PRPF6: variants seen among roughly 807,000 people sequenced by gnomAD.
PRPF6 encodes the protein pre-mRNA-processing factor 6.
Under a neutral mutation model 118.3 loss-of-function variants are expected in PRPF6, and 42 were observed. The observed-to-expected ratio is 0.35, with a 90% confidence interval of 0.28 to 0.46. The LOEUF is 0.46. Among genes scored for constraint, PRPF6 ranks in the 20% least tolerant of loss-of-function variants. The pLI, the probability that PRPF6 is intolerant of heterozygous loss-of-function variation, is 1.00. For synonymous variants in PRPF6, 481 were observed against 485.1 expected (o/e 0.99, Z 0.11); for missense variants, 662 against 1,255.7 (o/e 0.53, Z 7.15).
In PRPF6 at chr20:64,001,251, T is replaced by C; in HGVS notation, c.1186+12T>C. The C allele has an allele frequency of 6.2e-7, 1 of 1,614,188 alleles. No individual in the cohort carries two copies. Among genetic ancestry groups the C allele is most frequent in the Non-Finnish European group, 8.5e-7 (1 of 1,179,998 alleles). ...GGTTCTTCGGAAAGGTGAGCCTCCC[T>C]CGGAGGTGCTGCTTTCTCCCTCCTT... On this transcript the variant is annotated intron_variant, in intron 9 of 20. Transcript: ENST00000266079.
chr20:64,031,149 A>G (rs2059312175), intron 19 of PRPF6, among the ~76,000 whole-genome samples: 1 of 152,238 alleles, frequency 6.6e-6, no homozygotes, highest in Admixed American at 6.5e-5. Flanking sequence ...TGTGGGCTGC[A>G]GGCCCAGGCC....
chr20:63,985,368 G>T (rs1259948989), intron 3 of PRPF6, among the ~76,000 whole-genome samples: 1 of 150,840 alleles, frequency 6.6e-6, no homozygotes, highest in Non-Finnish European at 1.5e-5. Flanking sequence ...AAAAAGTTTT[G>T]TTTTGAATTG....
At chr20:64,022,103 C>T (rs193231356) in intron 12 of PRPF6, among the ~76,000 whole-genome samples, 16 of 152,362 alleles carry the variant, frequency 1.1e-4, no homozygotes, top group African/African-American at 3.4e-4. Flanking sequence ...GACTTGTGCA[C>T]CTCTCGCAGG....
chr20:63,987,010 A>C (rs1305205847), intron 3 of PRPF6, among the ~76,000 whole-genome samples: 2 of 151,570 alleles, frequency 1.3e-5, no homozygotes, highest in East Asian at 3.9e-4. Flanking sequence ...CTTTACAAAA[A>C]AATACAAAAA....
intron 19 of PRPF6, among the ~76,000 whole-genome samples, chr20:64,031,638 A>G (rs1340043900): frequency 6.8e-6 from 1 of 146,642 alleles, no homozygotes; most frequent in African/African-American, 2.5e-5. Flanking sequence ...GCGCCACTGC[A>G]CTCCAGCCTG....
chr20:63,993,215 CAA>C (rs1215558007), intron 3 of PRPF6, among the ~76,000 whole-genome samples, 190 bp from the exon 4 acceptor site: 2 of 117,794 alleles, frequency 1.7e-5, no homozygotes, highest in African/African-American at 6.3e-5. Flanking sequence ...GACTCCATCT[CAA>C]AAAAAAAAAT....
rs372943226 is a variant in PRPF6 at position 63,982,321 on chromosome 20, G to A, written c.72-726G>A. On this transcript the variant is annotated intron_variant, in intron 1 of 20. Coordinates refer to ENST00000266079, the MANE Select transcript of PRPF6 (RefSeq NM_012469.4). ...TGAGTAGCTGGGATTATAGGTGCCCGCTACCACGCCCGGCTAATTTTTGTA... is the reference window on the plus strand; with the variant it reads ...TGAGTAGCTGGGATTATAGGTGCCCACTACCACGCCCGGCTAATTTTTGTA... Among the ~76,000 whole-genome samples, 5 of 152,090 alleles carry A rather than the reference G, an allele frequency of 3.3e-5. No individual in the cohort carries two copies. The East Asian group carries it at 5.8e-4, about 18-fold the overall frequency.
intron 19 of PRPF6, among the ~76,000 whole-genome samples, chr20:64,031,672 C>CAAAAA (rs568394576): frequency 1.3e-5 from 1 of 75,856 alleles, no homozygotes; most frequent in African/African-American, 3.9e-5. Context: ...GACTCCTTCT[C>CAAAAA]AAAAAAAAAA....
At position 64,024,707 on chromosome 20, in the gene PRPF6, G is replaced by T. The variant is rs1046496427; in HGVS notation, c.1908+14G>T. The T allele has an allele frequency of 6.2e-7, 1 of 1,610,600 alleles. No individual in the cohort carries two copies. On this transcript the variant is annotated intron_variant, in intron 14 of 20. Coordinates refer to ENST00000266079, the MANE Select transcript of PRPF6 (RefSeq NM_012469.4). ...CTGGCCTTCCAGGTGGGTGAGGGTT[G>T]CCTGTGTGGTGAGGGGCCTGTGCAC...
At chr20:64,001,016 C>G in intron 8 of PRPF6, 61 bp from the exon 9 acceptor site, 1 of 1,565,482 alleles carries the variant, frequency 6.4e-7, no homozygotes, top group South Asian at 1.1e-5. Context: ...TCTGTGCCTG[C>G]TGCCCTGTTG....
chr20:64,031,698 A>C (rs1050062202), intron 19 of PRPF6, among the ~76,000 whole-genome samples: 10 of 151,676 alleles, frequency 6.6e-5, no homozygotes, highest in African/African-American at 2.2e-4. Context: ...AAAACAACAA[A>C]AAAAAACCAA....
chr20:63,999,786 C>T lies in PRPF6; in HGVS notation c.1023+27C>T, dbSNP rs780551401. 82 of 1,612,434 alleles carry T rather than the reference C, an allele frequency of 5.1e-5. No individual in the cohort carries two copies. The Middle Eastern group carries it at 8.3e-4, about 16-fold the overall frequency. Reference sequence around the variant, plus strand: ...TGAGGTATTTCCTGGGAGGCGTTTCCTGGGAGGCTGCGTGATTGTGGCCCC... The same window carrying T: ...TGAGGTATTTCCTGGGAGGCGTTTCTTGGGAGGCTGCGTGATTGTGGCCCC... On this transcript the variant is annotated intron_variant, in intron 8 of 20. Transcript: ENST00000266079.
intron 4 of PRPF6, 33 bp from the exon 5 acceptor site, chr20:63,994,883 G>T (rs2059134546): frequency 6.2e-7 from 1 of 1,613,980 alleles, no homozygotes; most frequent in African/African-American, 1.3e-5. Flanking sequence ...TTCTGTCAGA[G>T]AATTAATGTT....
Position 64,011,239 on chromosome 20 carries a change from C to G in PRPF6, c.1306-46C>G, listed in dbSNP as rs776329177. 3 of 1,586,282 alleles carry G rather than the reference C, an allele frequency of 1.9e-6. No homozygotes were observed. Among genetic ancestry groups the G allele is most frequent in the Non-Finnish European group, 2.6e-6 (3 of 1,156,882 alleles). ...GTCGCTGTCTGGCCTGCAGCTGTCC[C>G]CCCAGCACAGTGTCCTCTCCTTTTT... On this transcript the variant is annotated intron_variant, in intron 10 of 20. Coordinates refer to ENST00000266079, the MANE Select transcript of PRPF6 (RefSeq NM_012469.4). The surrounding 1 kb of genome is among the most constrained non-coding windows in gnomAD (Gnocchi z 6.7).
intron 12 of PRPF6, among the ~76,000 whole-genome samples, chr20:64,018,302 A>C (rs73153136): frequency 0.06 from 9,173 of 152,192 alleles, 396 homozygotes; most frequent in Non-Finnish European, 0.093. Context: ...TCTGGAAGAG[A>C]GCCTCAGCCT....
At chr20:64,005,070 T>C (rs1047678335) in intron 9 of PRPF6, among the ~76,000 whole-genome samples, 1 of 152,206 alleles carries the variant, frequency 6.6e-6, no homozygotes, top group African/African-American at 2.4e-5. Flanking sequence ...TCTTCTGTTC[T>C]AGGCCAACTT....
chr20:64,006,483 A>AT (rs2059190284), intron 9 of PRPF6, among the ~76,000 whole-genome samples: 1 of 151,822 alleles, frequency 6.6e-6, no homozygotes, highest in Non-Finnish European at 1.5e-5. Context: ...CACCCGACTA[A>AT]TTTTTGTATT....
At chr20:64,005,253 C>G (rs1003137887) in intron 9 of PRPF6, among the ~76,000 whole-genome samples, 9 of 152,226 alleles carry the variant, frequency 5.9e-5, no homozygotes, top group Non-Finnish European at 1.3e-4. Flanking sequence ...CAGCTCTCTC[C>G]CAAAACTTGA....
chr20:63,981,151 G>A lies in PRPF6; in HGVS notation c.-95G>A. ...CGCGACGACGGCGACACTTTGCTAC[G>A]GAGTGCATCGGACGTCGAAGCCTAG... On this transcript the variant is annotated 5_prime_UTR_variant, in exon 1 of 21. Coordinates refer to ENST00000266079, the MANE Select transcript of PRPF6 (RefSeq NM_012469.4). 4 of 1,317,818 alleles carry A rather than the reference G, an allele frequency of 3.0e-6. No homozygotes were observed. The South Asian group carries it at 5.1e-5, about 17-fold the overall frequency. 81.6% of individuals were successfully genotyped at this position (1,317,818 alleles called of 1,614,324 possible). A position where few individuals can be genotyped will look rare whatever the true frequency, so the allele number is the denominator to read the frequency against.
Sources: gnomAD v4.1 joint callset for allele counts (sites outside exome capture counted in the v4.1 genomes callset) on GRCh38, gnomAD v4.1.1 for gene constraint, Gnocchi (gnomAD v3.1) non-coding constraint, MANE v1.5 for transcripts, NCBI Gene and HGNC (gene_info 2026-07-23, HGNC 2026-07-21) for gene names.